Variants in ZNF430 observed in about 807,000 individuals in gnomAD.
The protein encoded by ZNF430 is zinc finger protein 430.
Under a neutral mutation model 56.7 loss-of-function variants are expected in ZNF430, and 35 were observed. The observed-to-expected ratio is 0.62, with a 90% CI of 0.47 to 0.82. The LOEUF is 0.82. ZNF430 is among the 40% of genes least tolerant of loss of function. The probability of loss-of-function intolerance (pLI) is 0.00; values close to 1 mark genes in which losing one functional copy is unlikely to be tolerated. For synonymous variants in ZNF430, 212 were observed against 224.3 expected, an observed-to-expected ratio of 0.94 and a Z score of 0.49; for missense variants, 574 against 661.0, an observed-to-expected ratio of 0.87 and a Z score of 1.44.
chr19:21,033,024 C>CA (rs1967930869), intron 2 of ZNF430, among the ~76,000 whole-genome samples: 1 of 152,072 alleles, frequency 6.6e-6, no homozygotes, highest in Admixed American at 6.6e-5. Flanking sequence ...TCTCTTCTCT[C>CA]AGAGTTAGAG....
chr19:21,056,642 C>T lies in ZNF430; in HGVS notation c.334C>T (p.His112Tyr). The T allele has an allele frequency of 6.6e-7, 1 of 1,512,874 alleles. No individual in the cohort carries two copies. The allele number at this position is 1,512,874 out of a possible 1,614,324, so 93.7% of individuals were successfully genotyped here. ...TTTATTTCTTTCAGTTACATATTCTCATTTTGCCCAAGACCTTTGGCCAGA... is the reference window on the plus strand; with the variant it reads ...TTTATTTCTTTCAGTTACATATTCTTATTTTGCCCAAGACCTTTGGCCAGA... ...MVDQPPVTYS[H>Y]FAQDLWPEQG... Residue 112 changes from histidine to tyrosine, a missense_variant, in exon 5 of 5, where the codon CAT becomes TAT. His to Tyr is a moderately conservative substitution (Grantham distance 83, BLOSUM62 2). Transcript: ENST00000261560.
At chr19:21,024,172 C>T (rs1967748773) in intron 2 of ZNF430, among the ~76,000 whole-genome samples, 1 of 152,122 alleles carries the variant, frequency 6.6e-6, no homozygotes, top group Non-Finnish European at 1.5e-5. Flanking sequence ...ATGTCCTAGC[C>T]TGCTCACTCT....
At chr19:21,038,372 T>C (rs550134300) in intron 4 of ZNF430, among the ~76,000 whole-genome samples, 128 of 152,300 alleles carry the variant, frequency 8.4e-4, no homozygotes, top group Non-Finnish European at 1.0e-3. Context: ...TGTTCTTTCA[T>C]CTGTTCATCT....
chr19:21,025,238 G>T (rs1967770388), intron 2 of ZNF430, among the ~76,000 whole-genome samples: 1 of 152,180 alleles, frequency 6.6e-6, no homozygotes, highest in African/African-American at 2.4e-5. Flanking sequence ...ACAAGGGGTG[G>T]ATTATTTTTG....
At chr19:21,044,787 A>AT (rs1174159803) in intron 4 of ZNF430, among the ~76,000 whole-genome samples, 1 of 151,860 alleles carries the variant, frequency 6.6e-6, no homozygotes, top group Non-Finnish European at 1.5e-5. Flanking sequence ...CAGGATTCAA[A>AT]TTTTTCCTGG....
chr19:21,048,382 G>A (rs547783255), intron 4 of ZNF430, among the ~76,000 whole-genome samples: 1 of 150,782 alleles, frequency 6.6e-6, no homozygotes, highest in Non-Finnish European at 1.5e-5. Context: ...GAGTGGTGAT[G>A]ACTCTTAACG....
In ZNF430 at chr19:21,034,141, G is replaced by A. The variant is rs550281172; in HGVS notation, c.279G>A (p.Glu93=). 6.2e-7 allele frequency: 1 copy of A among 1,613,504 alleles called. No individual in the cohort carries two copies. Among genetic ancestry groups the A allele is most frequent in the South Asian group, 1.1e-5 (1 of 91,002 alleles). ...TCACCTGTCTAGAGCAAGGAAAAGA[G>A]CCCTGGAATATGAAGAGACATGCGA... ...DLITCLEQGK[E]PWNMKRHAMV... The change falls in exon 4 of 5, where the codon GAG becomes GAA. Residue 93 remains glutamate, a synonymous_variant. Transcript: ENST00000261560.
chr19:21,025,250 C>T (rs566576176), intron 2 of ZNF430, among the ~76,000 whole-genome samples: 25 of 152,142 alleles, frequency 1.6e-4, no homozygotes, highest in Non-Finnish European at 3.1e-4. Context: ...TTATTTTTGC[C>T]TCCCAATTAG....
Position 21,059,287 on chromosome 19 carries a change from G to A in ZNF430, c.*1266G>A, listed in dbSNP as rs1416839341. ...GGGCCAGGTGCAGTGGCTCACACCT[G>A]TAATCCAGCACTTTGGGAGGCCGAG... On this transcript the variant is annotated 3_prime_UTR_variant, in exon 5 of 5. Transcript: ENST00000261560. 6.6e-6 allele frequency: 1 copy of A among 152,098 alleles called. No individual in the cohort carries two copies. Among genetic ancestry groups the A allele is most frequent in the Non-Finnish European group, 1.5e-5 (1 of 68,056 alleles). The allele number at this position is 152,098 out of a possible 1,614,324, so 9.4% of individuals were successfully genotyped here. A position where few individuals can be genotyped will look rare whatever the true frequency, so the allele number is the denominator to read the frequency against.
intron 4 of ZNF430, among the ~76,000 whole-genome samples, chr19:21,037,329 G>T (rs1035850288): frequency 6.6e-6 from 1 of 151,556 alleles, no homozygotes; most frequent in African/African-American, 2.4e-5. Context: ...TGTTGGTCAG[G>T]CTGGTCTCAA....
chr19:21,047,005 C>G (rs1365265153), intron 4 of ZNF430, among the ~76,000 whole-genome samples: 1 of 152,160 alleles, frequency 6.6e-6, no homozygotes, highest in African/African-American at 2.4e-5. Flanking sequence ...TACATAATCT[C>G]ATAGACCTCA....
At position 21,028,090 on chromosome 19, in the gene ZNF430, G is replaced by A. The variant is rs1247458600; in HGVS notation, c.96+5209G>A. Reference sequence around the variant, plus strand: ...TACCTAGAATCTGCACATAAGGTCTGGCCTCTTCCTGGGATTTACAGGACA... The same window carrying A: ...TACCTAGAATCTGCACATAAGGTCTAGCCTCTTCCTGGGATTTACAGGACA... On this transcript the variant is annotated intron_variant, in intron 2 of 4. Transcript: ENST00000261560. 2.6e-5 allele frequency among the ~76,000 whole-genome samples: 4 copies of A among 152,088 alleles called. No individual in the cohort carries two copies. In the East Asian group the frequency reaches 7.7e-4, roughly 29 times the overall value.
rs1968387988 is a variant in ZNF430 at position 21,056,891 on chromosome 19, C to T, written c.583C>T (p.Gln195Ter). 5 of 1,610,008 alleles carry T rather than the reference C, an allele frequency of 3.1e-6. No homozygotes were observed. Among genetic ancestry groups the T allele is most frequent in the Non-Finnish European group, 4.2e-6 (5 of 1,178,364 alleles). ...VFYKFSNPNI[Q>*]KIRHTGKKPF... ...TTATAAATTTTCAAATCCAAATATA[C>T]AAAAGATAAGACATACTGGAAAGAA... The change falls in exon 5 of 5, where the codon CAA becomes TAA. Residue 195 changes from glutamine to a stop codon, truncating the protein, a stop_gained. Transcript: ENST00000261560. LOFTEE classifies it high-confidence loss of function.
chr19:21,026,827 C>CTT (rs747809260), intron 2 of ZNF430, among the ~76,000 whole-genome samples: 2,666 of 68,598 alleles, frequency 0.039, 381 homozygotes, highest in African/African-American at 0.13. Flanking sequence ...CTTTTCTTTT[C>CTT]TTTTTTTTTT....
chr19:21,034,388 C>T (rs907660540), intron 4 of ZNF430: 9 of 436,686 alleles, frequency 2.1e-5, no homozygotes, highest in African/African-American at 1.8e-4. Context: ...CCTTGGTGAT[C>T]TCCCTTCAAG....
Position 21,033,546 on chromosome 19 carries a change from G to A in ZNF430, c.187G>A (p.Val63Met), listed in dbSNP as rs1377969189. 1.9e-6 allele frequency: 3 copies of A among 1,611,114 alleles called. No individual in the cohort carries two copies. Among genetic ancestry groups the A allele is most frequent in the African/African-American group, 1.3e-5 (1 of 74,814 alleles). ...TGCTCAGCAGGATTTGTATAGAAAA[G>A]TGATGTTAGAGAACTACAGAAACCT... ...DTAQQDLYRK[V>M]MLENYRNLVF... Residue 63 changes from valine to methionine, a missense_variant, in exon 3 of 5, where the codon GTG becomes ATG. Val to Met is a conservative substitution (Grantham distance 21, BLOSUM62 1). Transcript: ENST00000261560.
chr19:21,042,143 T>C (rs1212897077), intron 4 of ZNF430, among the ~76,000 whole-genome samples: 1 of 152,224 alleles, frequency 6.6e-6, no homozygotes, highest in African/African-American at 2.4e-5. Context: ...CATGCTCTTA[T>C]TCTTTTTTAT....
chr19:21,054,669 CTTTTTTTT>C (rs55772412), intron 4 of ZNF430, among the ~76,000 whole-genome samples: 1 of 65,582 alleles, frequency 1.5e-5, no homozygotes, highest in Non-Finnish European at 2.6e-5. Flanking sequence ...ATTTTTACGT[CTTTTTTTT>C]TTTTTTTTTT....
At chr19:21,026,095 G>T in intron 2 of ZNF430, 1 of 243,966 alleles carries the variant, frequency 4.1e-6, no homozygotes, top group Non-Finnish European at 8.0e-6. Flanking sequence ...GACCAGGATG[G>T]TCTCCGTCTC....
Sources: allele counts gnomAD v4.1 joint callset (sites outside exome capture counted in the v4.1 genomes callset), GRCh38; gene constraint gnomAD v4.1.1; transcripts MANE v1.5; gene names NCBI Gene and HGNC (gene_info 2026-07-23, HGNC 2026-07-21).